Variants in DGKB observed in about 807,000 individuals in gnomAD.
The protein encoded by DGKB is diacylglycerol kinase beta.
In DGKB, 67 loss-of-function variants were observed where a neutral mutation model predicts 114.3. That is an observed-to-expected ratio of 0.59 (90% CI 0.48 to 0.72). The LOEUF (loss-of-function observed/expected upper bound fraction) is 0.72, where lower values mean the gene tolerates loss of function less well. Among genes scored for constraint, DGKB ranks in the 30% least tolerant of loss-of-function variants. The pLI, the probability that DGKB is intolerant of heterozygous loss-of-function variation, is 0.00. For missense variants in DGKB, 907 were observed against 975.2 expected, an observed-to-expected ratio of 0.93 and a Z score of 0.93; for synonymous variants, 398 against 323.1, an observed-to-expected ratio of 1.23 and a Z score of -2.49.
At chr7:14,254,661 A>G (rs1795707270) in intron 23 of DGKB, among the ~76,000 whole-genome samples, 1 of 152,116 alleles carries the variant, frequency 6.6e-6, no homozygotes, top group Non-Finnish European at 1.5e-5. Flanking sequence ...AGAGTACTTT[A>G]TATATTTCAA....
At chr7:14,807,790 T>G (rs1038691521) in intron 2 of DGKB, among the ~76,000 whole-genome samples, 12 of 152,068 alleles carry the variant, frequency 7.9e-5, no homozygotes, top group African/African-American at 2.9e-4. Context: ...TTGGGGCTTT[T>G]TAAATTTGTT....
intron 17 of DGKB, among the ~76,000 whole-genome samples, chr7:14,595,667 T>G (rs993572450): frequency 1.3e-5 from 2 of 151,572 alleles, no homozygotes; most frequent in African/African-American, 4.8e-5. Context: ...TTAAGATAGC[T>G]TACAAACATT....
chr7:14,207,189 C>T (rs1210568267), intron 23 of DGKB, among the ~76,000 whole-genome samples: 1 of 152,028 alleles, frequency 6.6e-6, no homozygotes, highest in Non-Finnish European at 1.5e-5. Flanking sequence ...ACATGTGATC[C>T]ATCAGTATGT....
At chr7:14,309,519 AC>A (rs1357752297) in intron 23 of DGKB, among the ~76,000 whole-genome samples, 1 of 152,184 alleles carries the variant, frequency 6.6e-6, no homozygotes, top group Non-Finnish European at 1.5e-5. Context: ...CATGATCAGA[AC>A]CCTGATAGTT....
At chr7:14,266,657 C>T (rs1797562320) in intron 23 of DGKB, among the ~76,000 whole-genome samples, 1 of 152,124 alleles carries the variant, frequency 6.6e-6, no homozygotes, top group Non-Finnish European at 1.5e-5. Flanking sequence ...ATTATTTATC[C>T]AACAACACTC....
intron 24 of DGKB, 28 bp downstream of exon 24, chr7:14,178,003 C>T (rs751284602): frequency 5.1e-5 from 78 of 1,522,592 alleles, no homozygotes; most frequent in Middle Eastern, 1.8e-4. Flanking sequence ...ATATCAAACG[C>T]CTTTGTCAGT....
At chr7:14,223,887 G>T (rs1186695920) in intron 23 of DGKB, among the ~76,000 whole-genome samples, 2 of 151,250 alleles carry the variant, frequency 1.3e-5, no homozygotes, top group Non-Finnish European at 3.0e-5. Flanking sequence ...AATTCACTTG[G>T]AATTTATGGA....
upstream of DGKB, among the ~76,000 whole-genome samples, chr7:14,903,600 T>C (rs1415629390): frequency 2.6e-5 from 4 of 152,260 alleles, no homozygotes; most frequent in East Asian, 1.9e-4. Context: ...CTACCAATTG[T>C]AGCAGCTGCA....
intron 13 of DGKB, among the ~76,000 whole-genome samples, chr7:14,638,508 T>G (rs1331726232): frequency 6.6e-6 from 1 of 152,192 alleles, no homozygotes; most frequent in Non-Finnish European, 1.5e-5. Flanking sequence ...GATGGGAATT[T>G]TCAAAAGCTG....
At chr7:14,266,097 C>T (rs1180326363) in intron 23 of DGKB, among the ~76,000 whole-genome samples, 1 of 152,036 alleles carries the variant, frequency 6.6e-6, no homozygotes, top group African/African-American at 2.4e-5. Context: ...TCCCTGTGCT[C>T]GTTCAATTGT....
chr7:14,511,274 T>G (rs1300744672), intron 20 of DGKB, among the ~76,000 whole-genome samples: 1 of 152,206 alleles, frequency 6.6e-6, no homozygotes, highest in Non-Finnish European at 1.5e-5. Context: ...CTTCATCAAT[T>G]TAGCTAAATC....
chr7:14,682,383 T>C (rs1315883386), intron 12 of DGKB, among the ~76,000 whole-genome samples, 170 bp downstream of exon 12: 1 of 152,118 alleles, frequency 6.6e-6, no homozygotes, highest in Non-Finnish European at 1.5e-5. Flanking sequence ...TGGGGACAAA[T>C]CTGACCCTGA....
Position 14,574,224 on chromosome 7 carries a change from A to G in DGKB, c.1758T>C (p.Phe586=). Residue 586 remains phenylalanine (F), a synonymous_variant, in exon 20 of 26, where the codon TTT becomes TTC. Transcript: ENST00000402815. ...PVPYSIINNY[F]SIGVDASIAH... is the part of the protein sequence containing the mutation. ...TGGAGAATCTTACCACGCCAATGGA[A>G]AAGTAATTATTGATGATACTGTAAG... 3 of 1,612,680 alleles carry G rather than the reference A, an allele frequency of 1.9e-6. No homozygotes were observed. Among genetic ancestry groups the G allele is most frequent in the Non-Finnish European group, 2.5e-6 (3 of 1,179,328 alleles).
At position 14,178,212 on chromosome 7, in the gene DGKB, C is replaced by A; in HGVS notation, c.2123-61G>T. The A allele has an allele frequency of 3.2e-6, 5 of 1,549,454 alleles. No individual in the cohort carries two copies. The South Asian group carries it at 5.8e-5, about 18-fold the overall frequency. ...GTATACATATGTCCACAATTTAATG[C>A]CATTTGATATTATGGAGATTAAAAA... On this transcript the variant is annotated intron_variant, in intron 23 of 25. Transcript: ENST00000402815.
In DGKB at chr7:14,152,521, C is replaced by T. The variant is rs142628184; in HGVS notation, c.2305-3283G>A. ...AATGGTGTCCTCCTATAAAACTCTTCCTTCTCCTTATCATGTACCCTTCTA... is the reference window on the plus strand; with the variant it reads ...AATGGTGTCCTCCTATAAAACTCTTTCTTCTCCTTATCATGTACCCTTCTA... On this transcript the variant is annotated intron_variant, in intron 25 of 25. Transcript: ENST00000402815. 9.7e-4 allele frequency among the ~76,000 whole-genome samples: 148 copies of T among 152,112 alleles called. 1 individual carries two copies. Among genetic ancestry groups the T allele is most frequent in the African/African-American group, 3.5e-3 (144 of 41,544 alleles).
chr7:14,630,300 GA>G (rs1335450007), intron 13 of DGKB, 32 bp from the exon 14 acceptor site: 1 of 1,530,296 alleles, frequency 6.5e-7, no homozygotes, highest in Admixed American at 2.1e-5. Flanking sequence ...TATGAAAGCT[GA>G]AAAAGAGTCA....
At position 14,697,871 on chromosome 7, in the gene DGKB, AGGAG is replaced by A. The variant is rs199621902; in HGVS notation, c.591+220_591+223del. On this transcript the variant is annotated intron_variant, in intron 8 of 25. Coordinates refer to ENST00000402815, the MANE Select transcript of DGKB (RefSeq NM_001350709.2). ...AGAGAGAGAAGGAAGGAAGGAAGGTAGGAGGGAGGGAGGGGAGAAAGAAAGAGAA... is the reference window on the plus strand; with the variant it reads ...AGAGAGAGAAGGAAGGAAGGAAGGTAGGAGGGAGGGGAGAAAGAAAGAGAA... 7.5e-3 allele frequency among the ~76,000 whole-genome samples: 1,091 copies of A among 146,070 alleles called. 10 individuals are homozygous for A. The highest frequency in any genetic ancestry group is 0.026 in the African/African-American group (1,032 of 39,528).
chr7:14,903,750 G>C (rs965651090), upstream of DGKB, among the ~76,000 whole-genome samples: 1 of 152,122 alleles, frequency 6.6e-6, no homozygotes, highest in East Asian at 1.9e-4. Context: ...ACAATTTTGA[G>C]GCACGTGTGT....
At chr7:14,578,460 A>T (rs1388099521) in intron 19 of DGKB, among the ~76,000 whole-genome samples, 1 of 152,178 alleles carries the variant, frequency 6.6e-6, no homozygotes. Flanking sequence ...TCAAGAAATA[A>T]TCCCACCGTA....
Sources: gnomAD v4.1 joint callset for allele counts (sites outside exome capture counted in the v4.1 genomes callset) on GRCh38, gnomAD v4.1.1 for gene constraint, MANE v1.5 for transcripts, NCBI Gene and HGNC (gene_info 2026-07-23, HGNC 2026-07-21) for gene names.